Variants in ARHGAP31 observed in about 807,000 individuals in gnomAD.
ARHGAP31 encodes the protein rho GTPase-activating protein 31.
In ARHGAP31, 34 loss-of-function variants were observed where a neutral mutation model predicts 113.9. The ratio of observed to expected loss-of-function variants is 0.30; its 90% CI spans 0.23 to 0.40. ARHGAP31 has a LOEUF of 0.40. ARHGAP31 is among the 10% of genes least tolerant of loss of function. The pLI is 1.00. For synonymous variants in ARHGAP31, 650 were observed against 684.8 expected (o/e 0.95, Z 0.79); for missense variants, 1,548 against 1,767.1 (o/e 0.88, Z 2.22).
chr3:119,380,710 C>T (rs2080389540), intron 3 of ARHGAP31, among the ~76,000 whole-genome samples, 194 bp from the exon 4 acceptor site: 1 of 152,090 alleles, frequency 6.6e-6, no homozygotes, highest in South Asian at 2.1e-4. Context: ...ATGGTGAGAC[C>T]CTGCACACAC....
At chr3:119,399,625 C>T (rs1237575756) in intron 9 of ARHGAP31, among the ~76,000 whole-genome samples, 3 of 152,204 alleles carry the variant, frequency 2.0e-5, no homozygotes, top group Admixed American at 6.5e-5. Flanking sequence ...TGGTTTATGC[C>T]CTATGGTTTT....
chr3:119,297,861 A>C (rs1474405934), intron 1 of ARHGAP31, among the ~76,000 whole-genome samples: 1 of 151,614 alleles, frequency 6.6e-6, no homozygotes, highest in Non-Finnish European at 1.5e-5. Flanking sequence ...CCAGTTGTCA[A>C]CCTTAATCTT....
At chr3:119,407,335 A>G (rs1671673220) in intron 10 of ARHGAP31, among the ~76,000 whole-genome samples, 1 of 144,772 alleles carries the variant, frequency 6.9e-6, no homozygotes, top group South Asian at 2.2e-4. Flanking sequence ...CGACAGAGCA[A>G]GACTCCATCT....
At chr3:119,387,466 T>C (rs891670923) in intron 6 of ARHGAP31, among the ~76,000 whole-genome samples, 1 of 152,226 alleles carries the variant, frequency 6.6e-6, no homozygotes, top group African/African-American at 2.4e-5. Flanking sequence ...ATAACTATTC[T>C]TGTTTTATAT....
chr3:119,369,110 G>A (rs1411529142), intron 3 of ARHGAP31, among the ~76,000 whole-genome samples: 1 of 152,230 alleles, frequency 6.6e-6, no homozygotes, highest in Non-Finnish European at 1.5e-5. Context: ...AGTAGCAGCT[G>A]TATGGTCACC....
chr3:119,413,173 C>T (rs578029332), intron 11 of ARHGAP31, among the ~76,000 whole-genome samples: 2 of 151,082 alleles, frequency 1.3e-5, no homozygotes, highest in African/African-American at 4.9e-5. Flanking sequence ...AAAAATTAGC[C>T]AGGTGTGGTG....
At chr3:119,325,919 G>C (rs1429505728) in intron 1 of ARHGAP31, among the ~76,000 whole-genome samples, 2 of 152,210 alleles carry the variant, frequency 1.3e-5, no homozygotes, top group Admixed American at 1.3e-4. Flanking sequence ...GGCTGGGCAC[G>C]GTGGCTCACG....
At chr3:119,359,673 A>T (rs2107620163) in intron 1 of ARHGAP31, among the ~76,000 whole-genome samples, 1 of 152,196 alleles carries the variant, frequency 6.6e-6, no homozygotes, top group Admixed American at 6.5e-5. Flanking sequence ...TGGAACAGGG[A>T]TGGGGAAAGG....
At chr3:119,302,904 T>C (rs2079597503) in intron 1 of ARHGAP31, among the ~76,000 whole-genome samples, 1 of 152,244 alleles carries the variant, frequency 6.6e-6, no homozygotes, top group Non-Finnish European at 1.5e-5. Flanking sequence ...CATAGCACTT[T>C]ACCCTCTGCA....
chr3:119,307,959 A>AAAAAAAAAAAAAAAAAAAAAAAAAAAAC (rs2079645524), intron 1 of ARHGAP31, among the ~76,000 whole-genome samples: 1 of 150,356 alleles, frequency 6.7e-6, no homozygotes, highest in Non-Finnish European at 1.5e-5. Flanking sequence ...AAAAAAAAAA[A>AAAAAAAAAAAAAAAAAAAAAAAAAAAAC]AGCTCAATCT....
At chr3:119,308,365 C>T (rs1017181233) in intron 1 of ARHGAP31, among the ~76,000 whole-genome samples, 1 of 152,214 alleles carries the variant, frequency 6.6e-6, no homozygotes, top group African/African-American at 2.4e-5. Context: ...ACACAGCTGT[C>T]ACTAAAGTCA....
At chr3:119,359,840 C>T (rs1559979054) in intron 1 of ARHGAP31, among the ~76,000 whole-genome samples, 1 of 152,006 alleles carries the variant, frequency 6.6e-6, no homozygotes, top group Non-Finnish European at 1.5e-5. Context: ...GGGGCCCATT[C>T]ACAGCACAGC....
intron 3 of ARHGAP31, among the ~76,000 whole-genome samples, chr3:119,376,769 A>T (rs2080352751): frequency 6.6e-6 from 1 of 152,098 alleles, no homozygotes; most frequent in Non-Finnish European, 1.5e-5. Flanking sequence ...AAAAAAAAAA[A>T]AAAGGCAGTG....
chr3:119,316,645 G>C (rs2079733871), intron 1 of ARHGAP31, among the ~76,000 whole-genome samples: 1 of 152,186 alleles, frequency 6.6e-6, no homozygotes, highest in Admixed American at 6.5e-5. Flanking sequence ...GTGTTTGCCT[G>C]CTTATTTTAA....
rs189242820 is a variant in ARHGAP31 at position 119,420,677 on chromosome 3, G to T, written c.*4413G>T. ...TAACTTAATGTCATAGTACTTTCTG[G>T]CTTATAATTCTGCAAAGTAAAGCAC... On this transcript the variant is annotated 3_prime_UTR_variant, in exon 12 of 12. Transcript: ENST00000264245. 6.6e-6 allele frequency: 1 copy of T among 152,246 alleles called. No individual in the cohort carries two copies. The highest frequency in any genetic ancestry group is 6.5e-5 in the Admixed American group (1 of 15,298). The allele number at this position is 152,246 out of a possible 1,614,324, so 9.4% of individuals were successfully genotyped here.
Position 119,402,232 on chromosome 3 carries a change from G to A in ARHGAP31, c.1480G>A (p.Val494Met). 1 of 1,614,244 alleles carries A rather than the reference G, an allele frequency of 6.2e-7. No homozygotes were observed. The highest frequency in any genetic ancestry group is 8.5e-7 in the Non-Finnish European group (1 of 1,180,044). ...CATCTCCGAGCCCTTTGCGGTATCT[G>A]TGCCGCTCCGCGTGTCCGCAGTCAT... ...LNISEPFAVS[V>M]PLRVSAVIST... Residue 494 changes from valine (V) to methionine (M), a missense_variant, in exon 10 of 12, where the codon GTG becomes ATG. Transcript: ENST00000264245.
rs184558104 is a variant in ARHGAP31, at chr3:119,410,335, C to G, written c.1926+559C>G. Among the ~76,000 whole-genome samples, 10 of 152,248 alleles carry G rather than the reference C, an allele frequency of 6.6e-5. No individual in the cohort carries two copies. In the East Asian group the frequency reaches 1.9e-3, roughly 29 times the overall value. On this transcript the variant is annotated intron_variant, in intron 11 of 11. Coordinates refer to ENST00000264245, the MANE Select transcript of ARHGAP31 (RefSeq NM_020754.4). Reference sequence around the variant, plus strand: ...TTCCAAGAAGGTTTTTATGGGATGTCCTTCAATAGAAAGTGTGAGGAGGTT... The same window carrying G: ...TTCCAAGAAGGTTTTTATGGGATGTGCTTCAATAGAAAGTGTGAGGAGGTT...
chr3:119,384,336 A>T (rs2080430128), intron 6 of ARHGAP31, among the ~76,000 whole-genome samples: 1 of 152,248 alleles, frequency 6.6e-6, no homozygotes, highest in Non-Finnish European at 1.5e-5. Context: ...GTATTCACAG[A>T]ATTGTACAAC....
chr3:119,364,132 A>G (rs547633356), intron 1 of ARHGAP31, among the ~76,000 whole-genome samples: 1 of 150,348 alleles, frequency 6.7e-6, no homozygotes, highest in Non-Finnish European at 1.5e-5. Flanking sequence ...CTACCAGGGC[A>G]CTGAACCTCT....
Sources: allele counts gnomAD v4.1 joint callset (sites outside exome capture counted in the v4.1 genomes callset), GRCh38; gene constraint gnomAD v4.1.1; transcripts MANE v1.5; gene names NCBI Gene and HGNC (gene_info 2026-07-23, HGNC 2026-07-21).